Variants in ALK observed in about 807,000 individuals in gnomAD.
ALK encodes the protein ALK receptor tyrosine kinase, also known as ALK tyrosine kinase receptor.
In ALK, 74 loss-of-function variants were observed where a neutral mutation model predicts 163.1. The ratio of observed to expected loss-of-function variants is 0.45; its 90% CI spans 0.38 to 0.55. The LOEUF (loss-of-function observed/expected upper bound fraction) is 0.55, where lower values mean the gene tolerates loss of function less well. Ranked by LOEUF, ALK falls within the 20% of genes least tolerant of loss-of-function variation. The pLI is 0.00. For synonymous variants in ALK, 960 were observed against 843.2 expected (o/e 1.14, Z -2.40); for missense variants, 2,063 against 2,105.3 (o/e 0.98, Z 0.39).
chr2:29,553,787 C>T (rs1246715961), intron 3 of ALK, among the ~76,000 whole-genome samples: 1 of 152,150 alleles, frequency 6.6e-6, no homozygotes, highest in African/African-American at 2.4e-5. Context: ...TTTCAATTTG[C>T]ATGTCTTTAA....
At chr2:29,581,882 C>A (rs766172812) in intron 3 of ALK, among the ~76,000 whole-genome samples, 1 of 152,186 alleles carries the variant, frequency 6.6e-6, no homozygotes, top group Non-Finnish European at 1.5e-5. Context: ...ACCTCTTAGG[C>A]AGAGAGAAAC....
chr2:29,274,700 C>G (rs776579609), intron 11 of ALK, among the ~76,000 whole-genome samples: 1 of 152,146 alleles, frequency 6.6e-6, no homozygotes, highest in African/African-American at 2.4e-5. Flanking sequence ...GGTAGCCTAC[C>G]TTTGTGCAAC....
intron 1 of ALK, among the ~76,000 whole-genome samples, chr2:29,794,264 T>G (rs1248103690): frequency 6.6e-6 from 1 of 152,134 alleles, no homozygotes; most frequent in Non-Finnish European, 1.5e-5. Flanking sequence ...TCTTTTGGCC[T>G]TCATAGAATT....
At chr2:29,701,775 A>T (rs1001892283) in intron 2 of ALK, among the ~76,000 whole-genome samples, 1 of 152,244 alleles carries the variant, frequency 6.6e-6, no homozygotes, top group African/African-American at 2.4e-5. Context: ...TTTAATCCCT[A>T]TGAATTAGGC....
In ALK at chr2:29,830,713, TAAAAAAAAAAAAAAAAAAAAAAA is replaced by T. The variant is rs530774574; in HGVS notation, c.667+89257_667+89279del. The stretch of plus-strand genomic sequence containing the variant: ...GCAAGACCCTGTCTCTAAAATAGTT[TAAAAAAAAAAAAAAAAAAAAAAA>T]AAAAAAAAAAAAAAAAACTTAGCCA... On this transcript the variant is annotated intron_variant, in intron 1 of 28. Transcript: ENST00000389048. Among the ~76,000 whole-genome samples, 36 of 29,002 alleles carry T rather than the reference TAAAAAAAAAAAAAAAAAAAAAAA, an allele frequency of 1.2e-3. No homozygotes were observed. In the Admixed American group the frequency reaches 0.014, roughly 11 times the overall value. The allele number at this position is 29,002 out of a possible 152,430, so 19.0% of individuals were successfully genotyped here. A position where few individuals can be genotyped will look rare whatever the true frequency, so the allele number is the denominator to read the frequency against.
intron 5 of ALK, among the ~76,000 whole-genome samples, chr2:29,380,654 G>A (rs1043069908): frequency 1.4e-4 from 21 of 151,960 alleles, no homozygotes; most frequent in Admixed American, 4.6e-4. Flanking sequence ...GGCTGGTCTC[G>A]AACTCCCGAC....
chr2:29,317,858 A>T (rs767222217), intron 8 of ALK, among the ~76,000 whole-genome samples: 8 of 152,210 alleles, frequency 5.3e-5, no homozygotes, highest in Non-Finnish European at 1.2e-4. Context: ...ACCATTTGAG[A>T]GAGTAGTTTT....
At chr2:29,223,615 G>T in intron 19 of ALK, 87 bp from the exon 20 acceptor site, 1 of 1,297,590 alleles carries the variant, frequency 7.7e-7, no homozygotes. Context: ...AAGCCTCCCT[G>T]GATCTCCATA....
intron 1 of ALK, among the ~76,000 whole-genome samples, chr2:29,797,684 T>C (rs2148361809): frequency 6.6e-6 from 1 of 152,234 alleles, no homozygotes; most frequent in East Asian, 1.9e-4. Context: ...GACTAGTTAC[T>C]GGAGTAGTGT....
At chr2:29,412,445 C>T (rs1669747348) in intron 4 of ALK, among the ~76,000 whole-genome samples, 1 of 152,146 alleles carries the variant, frequency 6.6e-6, no homozygotes, top group African/African-American at 2.4e-5. Context: ...ACCATTGCTT[C>T]CAAGCAAAAC....
chr2:29,807,663 T>C (rs979006397), intron 1 of ALK, among the ~76,000 whole-genome samples: 4 of 152,206 alleles, frequency 2.6e-5, no homozygotes, highest in African/African-American at 4.8e-5. Flanking sequence ...AAAATGGAAA[T>C]ATAAATGGTT....
chr2:29,335,140 T>C (rs1667572044), intron 5 of ALK, among the ~76,000 whole-genome samples: 1 of 152,172 alleles, frequency 6.6e-6, no homozygotes, highest in Non-Finnish European at 1.5e-5. Context: ...TCTGCCCATG[T>C]GGTTCCTGGT....
At chr2:29,853,495 T>TC (rs1349774978) in intron 1 of ALK, among the ~76,000 whole-genome samples, 1 of 152,080 alleles carries the variant, frequency 6.6e-6, no homozygotes, top group East Asian at 1.9e-4. Flanking sequence ...CACCTTGCTC[T>TC]CCCCACTTCT....
intron 3 of ALK, among the ~76,000 whole-genome samples, chr2:29,580,422 C>T (rs765734309): frequency 4.6e-5 from 7 of 152,144 alleles, no homozygotes; most frequent in Non-Finnish European, 8.8e-5. Context: ...AACCGCAAGG[C>T]CACCGCTGGC....
intron 1 of ALK, among the ~76,000 whole-genome samples, chr2:29,725,759 C>A (rs1394865039): frequency 6.6e-6 from 1 of 152,058 alleles, no homozygotes; most frequent in Non-Finnish European, 1.5e-5. Context: ...AGACATGGAC[C>A]TATTTCATCA....
chr2:29,910,803 T>C (rs1558544916), intron 1 of ALK, among the ~76,000 whole-genome samples: 2 of 152,098 alleles, frequency 1.3e-5, no homozygotes, highest in South Asian at 4.1e-4. Context: ...CTGAGATAAT[T>C]TAAATACAGA....
chr2:29,769,304 T>C (rs1680951088), intron 1 of ALK, among the ~76,000 whole-genome samples: 1 of 152,222 alleles, frequency 6.6e-6, no homozygotes, highest in Admixed American at 6.5e-5. Flanking sequence ...CCCATCAGTC[T>C]GTAGAATGAC....
At chr2:29,249,352 T>C (rs1664760622) in intron 12 of ALK, among the ~76,000 whole-genome samples, 1 of 152,166 alleles carries the variant, frequency 6.6e-6, no homozygotes, top group African/African-American at 2.4e-5. Context: ...TCATATTGCT[T>C]TTTGTATACG....
intron 3 of ALK, among the ~76,000 whole-genome samples, chr2:29,600,146 A>AC (rs1010205555): frequency 4.0e-5 from 6 of 151,864 alleles, no homozygotes; most frequent in Admixed American, 3.3e-4. Flanking sequence ...TAGGGCTAAG[A>AC]CCCCCCAAGA....
Sources: gnomAD v4.1 joint callset for allele counts (sites outside exome capture counted in the v4.1 genomes callset) on GRCh38, gnomAD v4.1.1 for gene constraint, MANE v1.5 for transcripts, NCBI Gene and HGNC (gene_info 2026-07-23, HGNC 2026-07-21) for gene names.